LONP1: variants seen among roughly 807,000 people sequenced by gnomAD.
LONP1 encodes lon peptidase 1, mitochondrial, also known as lon protease homolog, mitochondrial.
Under a neutral mutation model 98.5 loss-of-function variants are expected in LONP1, and 31 were observed. The ratio of observed to expected loss-of-function variants is 0.31; its 90% CI spans 0.24 to 0.42. The LOEUF (loss-of-function observed/expected upper bound fraction) is 0.42. Among genes scored for constraint, LONP1 ranks in the 20% least tolerant of loss-of-function variants. The pLI is 1.00. For synonymous variants in LONP1, 781 were observed against 594.7 expected (o/e 1.31, Z -4.56); for missense variants, 1,336 against 1,350.6 (o/e 0.99, Z 0.17).
intron 9 of LONP1, 21 bp from the exon 10 acceptor site, chr19:5,699,226 A>G: frequency 3.4e-6 from 5 of 1,478,058 alleles, no homozygotes; most frequent in Non-Finnish European, 4.5e-6. Context: ...AGGCAGGTTC[A>G]GTGGGCACGT....
In LONP1 at chr19:5,692,007, G is replaced by T. The variant is rs759327852; in HGVS notation, c.*25C>A. ...CTGGCCCAGACAGGGCCTGACATCC[G>T]CCGCCTGCAGTCCCGGGGTGGCCGT... On this transcript the variant is annotated 3_prime_UTR_variant, in exon 18 of 18. Coordinates refer to ENST00000360614, the MANE Select transcript of LONP1 (RefSeq NM_004793.4). 1.2e-5 allele frequency: 12 copies of T among 978,176 alleles called. No individual in the cohort carries two copies. The African/African-American group carries it at 1.8e-4, about 15-fold the overall frequency. The allele number at this position is 978,176 out of a possible 1,614,324, so 60.6% of individuals were successfully genotyped here.
chr19:5,719,489 T>A (rs2055389291), intron 1 of LONP1, among the ~76,000 whole-genome samples: 1 of 152,210 alleles, frequency 6.6e-6, no homozygotes, highest in South Asian at 2.1e-4. Context: ...GTTCAACTCC[T>A]CTCATCTAAC....
At chr19:5,703,991 C>T (rs557214651) in intron 8 of LONP1, among the ~76,000 whole-genome samples, 4 of 152,230 alleles carry the variant, frequency 2.6e-5, no homozygotes, top group Admixed American at 6.5e-5. Context: ...GTTCTCCCCC[C>T]ACAGGAGGCG....
At chr19:5,693,869 A>AGCAT in intron 15 of LONP1, 100 bp from the exon 16 acceptor site, 1 of 981,210 alleles carries the variant, frequency 1.0e-6, no homozygotes, top group Non-Finnish European at 1.5e-6. Flanking sequence ...GCCCCAGTTT[A>AGCAT]GCATCTTGGT....
chr19:5,715,439 C>T lies in LONP1; in HGVS notation c.430-1168G>A, dbSNP rs188696234. ...CGGGCAGATCACAAGGTCAGGAGAT[C>T]GAGACCATCCTGGCTAACACGGTGA... On this transcript the variant is annotated intron_variant, in intron 1 of 17. Transcript: ENST00000360614. Among the ~76,000 whole-genome samples, 539 of 149,652 alleles carry T rather than the reference C, an allele frequency of 3.6e-3. 15 individuals carry two copies. In the East Asian group the frequency reaches 0.091, roughly 25 times the overall value.
At position 5,693,520 on chromosome 19, in the gene LONP1, C is replaced by T. The variant is rs376485567; in HGVS notation, c.2538+32G>A. On this transcript the variant is annotated intron_variant, in intron 16 of 17. Coordinates refer to ENST00000360614, the MANE Select transcript of LONP1 (RefSeq NM_004793.4). Reference sequence around the variant, plus strand: ...GGTGGCCAGCAGCCCAGGGACTGGGCGGGAGCAGGTGGGAGCGGATGGCGC... The same window carrying T: ...GGTGGCCAGCAGCCCAGGGACTGGGTGGGAGCAGGTGGGAGCGGATGGCGC... The T allele has an allele frequency of 1.9e-3, 3,107 of 1,612,988 alleles. 81 individuals are homozygous for T. In the South Asian group the frequency reaches 0.032, roughly 16 times the overall value.
chr19:5,720,048 C>T lies in LONP1; in HGVS notation c.85G>A (p.Gly29Arg). Residue 29 changes from glycine to arginine, a missense_variant, in exon 1 of 18, where the codon GGG becomes AGG. Coordinates refer to ENST00000360614, the MANE Select transcript of LONP1 (RefSeq NM_004793.4). ...LRRPMLAAAG[G>R]RVPTAAGAWL... is the part of the protein sequence containing the mutation. ...GCTCCTGCTGCAGTGGGAACCCGCC[C>T]CCCGGCGGCGGCCAGCATCGGCCGC... 2 of 1,540,304 alleles carry T rather than the reference C, an allele frequency of 1.3e-6. No homozygotes were observed. The highest frequency in any genetic ancestry group is 1.7e-6 in the Non-Finnish European group (2 of 1,147,380).
intron 4 of LONP1, among the ~76,000 whole-genome samples, chr19:5,710,973 C>T (rs1275907659): frequency 3.9e-5 from 6 of 152,072 alleles, no homozygotes; most frequent in Admixed American, 3.3e-4. Flanking sequence ...TTGCAGTGAG[C>T]TGAGATCGTT....
rs201029843 is a variant in LONP1, at chr19:5,711,985, T to C, written c.656A>G (p.Gln219Arg). The C allele has an allele frequency of 6.2e-7, 1 of 1,612,908 alleles. No homozygotes were observed. Among genetic ancestry groups the C allele is most frequent in the Non-Finnish European group, 8.5e-7 (1 of 1,179,858 alleles). ...CGGCTCCTCGGGCTCCACCTCCAGC[T>C]GTCTGCTGATATGGACTCTGACACG... ...MGHRRVHISR[Q>R]LEVEPEEPEA... The change falls in exon 4 of 18, where the codon CAG becomes CGG. Residue 219 changes from glutamine (Q) to arginine (R), a missense_variant. Physicochemically the swap from Gln to Arg is conservative, Grantham distance 43 (BLOSUM62 1). This residue lies in a region of LONP1 where 457 missense variants were observed against 403.1 expected (regional missense o/e 1.13). Transcript: ENST00000360614.
At chr19:5,711,686 G>T in intron 4 of LONP1, 85 bp downstream of exon 4, 1 of 1,113,676 alleles carries the variant, frequency 9.0e-7, no homozygotes, top group South Asian at 1.4e-5. Context: ...GGTGGGAGAT[G>T]ACTCTTCGGA....
At chr19:5,696,783 G>T in intron 10 of LONP1, 26 bp from the exon 11 acceptor site, 3 of 1,555,398 alleles carry the variant, frequency 1.9e-6, no homozygotes, top group Non-Finnish European at 1.8e-6. Flanking sequence ...GGGGTCAGAG[G>T]TCACTTGGTA....
At chr19:5,705,719 G>A in intron 8 of LONP1, 53 bp downstream of exon 8, 1 of 1,550,402 alleles carries the variant, frequency 6.4e-7, no homozygotes, top group Non-Finnish European at 8.9e-7. Flanking sequence ...GCCTAAGATG[G>A]GGGCTGAGGA....
At position 5,719,998 on chromosome 19, in the gene LONP1, G is replaced by A. The variant is rs576227341; in HGVS notation, c.135C>T (p.Thr45=). 1.4e-5 allele frequency: 22 copies of A among 1,579,710 alleles called. No individual in the cohort carries two copies. In the East Asian group the frequency reaches 4.5e-4, roughly 32 times the overall value. ...AGAWLLRGQR[T]CDASPPWALW... is the part of the protein sequence containing the mutation. ...GTGCCCAAGGAGGAGAGGCGTCGCA[G>A]GTCCGCTGGCCTCGGAGCAACCACG... Residue 45 remains threonine, a synonymous_variant, in exon 1 of 18, where the codon ACC becomes ACT. Coordinates refer to ENST00000360614, the MANE Select transcript of LONP1 (RefSeq NM_004793.4).
At chr19:5,708,547 T>G (rs1342272951) in intron 4 of LONP1, 144 bp from the exon 5 acceptor site, 3 of 367,066 alleles carry the variant, frequency 8.2e-6, no homozygotes, top group South Asian at 5.4e-5. Flanking sequence ...ACGGACGGCC[T>G]GGGAGATGGA....
At position 5,696,267 on chromosome 19, in the gene LONP1, C is replaced by T. The variant is rs1434676523; in HGVS notation, c.1878G>A (p.Val626=). 4 of 1,613,352 alleles carry T rather than the reference C, an allele frequency of 2.5e-6. No homozygotes were observed. The highest frequency in any genetic ancestry group is 3.4e-6 in the Non-Finnish European group (4 of 1,179,884). ...CCCCCACCTTGGACAAGTCCACGGG[C>T]ACGTCCAGGTAGTGGTCCAGGAAGT... The part of the protein sequence containing the change: ...NANFLDHYLD[V]PVDLSKVLFI... The change falls in exon 12 of 18, where the codon GTG becomes GTA. Residue 626 remains valine, a synonymous_variant. Coordinates refer to ENST00000360614, the MANE Select transcript of LONP1 (RefSeq NM_004793.4).
chr19:5,695,270 CAG>C (rs1368493636), intron 13 of LONP1, among the ~76,000 whole-genome samples: 3 of 152,102 alleles, frequency 2.0e-5, no homozygotes, highest in East Asian at 1.9e-4. Context: ...GGGACTGGGT[CAG>C]GGGCTCCAGG....
upstream of LONP1, chr19:5,720,240 A>C: frequency 1.5e-6 from 2 of 1,363,652 alleles, no homozygotes; most frequent in Non-Finnish European, 1.9e-6. Flanking sequence ...GTGGCTCGAA[A>C]CAGCCGCTTC....
At position 5,719,892 on chromosome 19, in the gene LONP1, C is replaced by G. The variant is rs751508398; in HGVS notation, c.241G>C (p.Gly81Arg). The change falls in exon 1 of 18, where the codon GGG becomes CGG. Residue 81 changes from glycine to arginine, a missense_variant. This residue lies in a region of LONP1 where 457 missense variants were observed against 403.1 expected (regional missense o/e 1.13). Transcript: ENST00000360614. The part of the protein sequence containing the change: ...ASSRGGGAFS[G>R]GEDASEGGAE... The stretch of plus-strand genomic sequence containing the variant: ...CCGCCCTCGGAGGCGTCCTCGCCCC[C>G]CGAGAATGCGCCTCCGCCGCGGCTG... The G allele has an allele frequency of 1.2e-5, 19 of 1,563,916 alleles. No homozygotes were observed. The East Asian group carries it at 3.6e-4, about 29-fold the overall frequency.
Position 5,693,604 on chromosome 19 carries a change from G to A in LONP1, c.2486C>T (p.Ala829Val), listed in dbSNP as rs150100006. 90 of 1,613,984 alleles carry A rather than the reference G, an allele frequency of 5.6e-5. No homozygotes were observed. The highest frequency in any genetic ancestry group is 7.2e-5 in the Non-Finnish European group (85 of 1,180,000). Residue 829 changes from alanine to valine, a missense_variant, in exon 16 of 18, where the codon GCC (alanine) becomes GTC (valine). Physicochemically the swap from Ala to Val is moderately conservative, Grantham distance 64. Transcript: ENST00000360614. Reference protein sequence around the residue: ...TFARAFLMQHAPANDYLVTSH... With the variant: ...TFARAFLMQHVPANDYLVTSH... The stretch of plus-strand genomic sequence containing the variant: ...GGTCACCAGGTAGTCATTGGCGGGG[G>A]CGTGCTGCATGAGGAAGGCTCTGGC...
Sources: gnomAD v4.1 joint callset for allele counts (sites outside exome capture counted in the v4.1 genomes callset) on GRCh38, gnomAD v4.1.1 for gene constraint, gnomAD v4.1.1 regional missense constraint, MANE v1.5 for transcripts, NCBI Gene and HGNC (gene_info 2026-07-23, HGNC 2026-07-21) for gene names.